The following CENPN variants were observed in gnomAD, a reference collection of about 807,000 sequenced individuals.
The protein encoded by CENPN is interphase centromere complex protein 32.
CENPN carries 36 observed loss-of-function variants against 48.6 expected under a neutral mutation model. The observed-to-expected ratio is 0.74, with a 90% CI of 0.57 to 0.98. CENPN has a LOEUF of 0.98. CENPN is among the 50% of genes least tolerant of loss of function. CENPN has a pLI of 0.00. For synonymous variants in CENPN, 166 were observed against 135.2 expected (o/e 1.23, Z -1.58); for missense variants, 439 against 399.2 (o/e 1.10, Z -0.85).
At chr16:81,014,241 T>C (rs1969851593) in intron 3 of CENPN, 60 bp downstream of exon 3, 9 of 1,470,820 alleles carry the variant, frequency 6.1e-6, no homozygotes, top group Non-Finnish European at 8.5e-6. Context: ...GCAATTTTGT[T>C]TCTTTCTTTG....
chr16:81,025,503 CATCTT>C lies in CENPN; in HGVS notation c.697+727_697+731del, dbSNP rs71924978. Among the ~76,000 whole-genome samples, 324 of 152,258 alleles carry C rather than the reference CATCTT, an allele frequency of 2.1e-3. 5 individuals carry two copies. Among genetic ancestry groups the C allele is most frequent in the African/African-American group, 7.2e-3 (300 of 41,544 alleles). On this transcript the variant is annotated intron_variant, in intron 8 of 10. Transcript: ENST00000305850. ...GTGTCATAGGAACTGCTGTTGATCT[CATCTT>C]AGGTAAAGAAATCAGGATATAAAAT...
chr16:81,026,167 GTGTATATATATGTGTGTGTATATATA>G (rs1970478712), intron 8 of CENPN, among the ~76,000 whole-genome samples: 4 of 144,960 alleles, frequency 2.8e-5, no homozygotes, highest in Admixed American at 1.4e-4. Flanking sequence ...GTATATATAT[GTGTATATATATGTGTGTGTATATATA>G]TGTATATATA....
intron 2 of CENPN, among the ~76,000 whole-genome samples, chr16:81,013,677 C>T (rs149076975): frequency 1.3e-4 from 19 of 151,962 alleles, no homozygotes; most frequent in African/African-American, 4.1e-4. Flanking sequence ...GCTAAGATTG[C>T]GCGTTTGCAC....
intron 8 of CENPN, among the ~76,000 whole-genome samples, chr16:81,025,187 C>T (rs938596328): frequency 3.9e-5 from 6 of 152,192 alleles, no homozygotes; most frequent in Non-Finnish European, 7.3e-5. Flanking sequence ...AGTGGCAAAA[C>T]TGGGAGTAAA....
At chr16:81,008,371 G>T (rs988920980) in intron 1 of CENPN, among the ~76,000 whole-genome samples, 5 of 151,820 alleles carry the variant, frequency 3.3e-5, no homozygotes, top group African/African-American at 1.2e-4. Context: ...GGGTTTTTTT[G>T]TTTGTTTTTT....
chr16:81,009,061 G>C (rs913600055), intron 1 of CENPN, among the ~76,000 whole-genome samples: 1 of 152,152 alleles, frequency 6.6e-6, no homozygotes, highest in African/African-American at 2.4e-5. Context: ...AGAAAAATTA[G>C]TTGGGTGTCA....
rs1226237893 is a variant in CENPN at position 81,025,689 on chromosome 16, CTCTTTTTT to C, written c.698-835_698-828del. On this transcript the variant is annotated intron_variant, in intron 8 of 10. Coordinates refer to ENST00000305850, the MANE Select transcript of CENPN (RefSeq NM_001100624.3). ...TGGGCAACATAGTGAGACCCTGTCT[CTCTTTTTT>C]TTTTTTTTTTTTTTTTTTTTTTTAA... 3.0e-5 allele frequency among the ~76,000 whole-genome samples: 4 copies of C among 135,232 alleles called. 1 individual carries two copies. The highest frequency in any genetic ancestry group is 4.6e-5 in the Non-Finnish European group (3 of 64,948). 88.7% of individuals were successfully genotyped at this position (135,232 alleles called of 152,430 possible).
rs199871308 is a variant in CENPN, at chr16:81,020,089, T to C, written c.355-11T>C. 1.9e-6 allele frequency: 3 copies of C among 1,539,604 alleles called. No individual in the cohort carries two copies. The highest frequency in any genetic ancestry group is 2.3e-5 in the East Asian group (1 of 43,580). On this transcript the variant is annotated splice_polypyrimidine_tract_variant and intron_variant, in intron 5 of 10. Transcript: ENST00000305850. ...TAGGAAATTAAGCCTTTTTTTTTTT[T>C]CTTTAATAAGGTGACAGTCAGCTTC...
At chr16:81,022,946 C>A in intron 7 of CENPN, 1 of 1,420,472 alleles carries the variant, frequency 7.0e-7, no homozygotes, top group Non-Finnish European at 9.5e-7. Flanking sequence ...TCTCAGCTTC[C>A]AAATCACCTG....
At chr16:81,032,964 C>G (rs957203840), downstream of CENPN, 1 of 285,334 alleles carries the variant, frequency 3.5e-6, no homozygotes, top group African/African-American at 2.2e-5. Flanking sequence ...ATCAGCTATG[C>G]TGCCTCGGAT....
intron 7 of CENPN, chr16:81,023,378 G>A (rs575871404): frequency 6.4e-6 from 1 of 156,638 alleles, no homozygotes; most frequent in African/African-American, 2.4e-5. Flanking sequence ...CCTCTTTAAG[G>A]AAAAACTAAC....
At chr16:81,020,465 G>T in intron 6 of CENPN, 189 bp downstream of exon 6, 1 of 471,836 alleles carries the variant, frequency 2.1e-6, no homozygotes, top group Non-Finnish European at 3.6e-6. Context: ...CAAGGCTGCC[G>T]TGAGCTGCGA....
At chr16:81,008,199 C>T (rs979279734) in intron 1 of CENPN, among the ~76,000 whole-genome samples, 2 of 151,844 alleles carry the variant, frequency 1.3e-5, no homozygotes, top group African/African-American at 4.8e-5. Flanking sequence ...TGAGGGCGCT[C>T]TACCAAATTT....
chr16:81,017,329 T>G lies in CENPN; in HGVS notation c.221T>G (p.Met74Arg). The G allele has an allele frequency of 6.3e-7, 1 of 1,592,826 alleles. No homozygotes were observed. The change falls in exon 4 of 11, where the codon ATG (methionine) becomes AGG (arginine). Residue 74 changes from methionine to arginine, a missense_variant. By Grantham distance (91) the Met-to-Arg change is moderately conservative. Transcript: ENST00000305850. ...SDAALLDIIY[M>R]QFHQHQKVWE... is the part of the protein sequence containing the mutation. ...AAAGCTTTCTTCCCTCTCTCAGATATGCAATTTCATCAGCACCAGAAAGTT... is the reference window on the plus strand; with the variant it reads ...AAAGCTTTCTTCCCTCTCTCAGATAGGCAATTTCATCAGCACCAGAAAGTT...
chr16:81,021,478 A>G (rs926307924), intron 6 of CENPN, among the ~76,000 whole-genome samples: 4 of 151,980 alleles, frequency 2.6e-5, no homozygotes, highest in Non-Finnish European at 4.4e-5. Flanking sequence ...ATGTCCTGTC[A>G]CTCCACAGCA....
chr16:81,011,926 A>G lies in CENPN; in HGVS notation c.-10-4A>G, dbSNP rs190865670. The G allele has an allele frequency of 3.4e-5, 55 of 1,609,194 alleles. No homozygotes were observed. The highest frequency in any genetic ancestry group is 1.6e-4 in the East Asian group (7 of 44,776). On this transcript the variant is annotated splice_region_variant and splice_polypyrimidine_tract_variant and intron_variant, in intron 1 of 10. Coordinates refer to ENST00000305850, the MANE Select transcript of CENPN (RefSeq NM_001100624.3). ...TTTGTTGTGCTGTTTTTGTTTTGTA[A>G]AAGTGCCAAAGAGATGGATGAGACT...
At chr16:81,022,023 C>G (rs1235351023) in intron 6 of CENPN, among the ~76,000 whole-genome samples, 1 of 152,220 alleles carries the variant, frequency 6.6e-6, no homozygotes, top group South Asian at 2.1e-4. Flanking sequence ...CCTGCCAAAG[C>G]GCTGGGATTA....
intron 5 of CENPN, among the ~76,000 whole-genome samples, chr16:81,019,792 G>T (rs781680816): frequency 2.0e-5 from 3 of 151,212 alleles, no homozygotes; most frequent in Non-Finnish European, 4.4e-5. Context: ...GGGATTGCTT[G>T]AGCCCAGGAA....
At chr16:81,031,879 A>T (rs1970793784), downstream of CENPN, among the ~76,000 whole-genome samples, 1 of 152,194 alleles carries the variant, frequency 6.6e-6, no homozygotes, top group Non-Finnish European at 1.5e-5. Context: ...CTGGGATTAC[A>T]GGTGTGAGCC....
Sources: gnomAD v4.1 joint callset for allele counts (sites outside exome capture counted in the v4.1 genomes callset) on GRCh38, gnomAD v4.1.1 for gene constraint, MANE v1.5 for transcripts, NCBI Gene and HGNC (gene_info 2026-07-23, HGNC 2026-07-21) for gene names.